The following PTH1R variants were observed in gnomAD, a reference collection of about 807,000 sequenced individuals.
The protein encoded by PTH1R is parathyroid hormone/parathyroid hormone-related peptide receptor.
PTH1R carries 32 observed loss-of-function variants against 70.7 expected under a neutral mutation model. That is an observed-to-expected ratio of 0.45 (90% CI 0.34 to 0.61). The LOEUF (loss-of-function observed/expected upper bound fraction) is 0.61. Among genes scored for constraint, PTH1R ranks in the 20% least tolerant of loss-of-function variants. PTH1R has a pLI of 0.01. For missense variants in PTH1R, 626 were observed against 792.5 expected (o/e 0.79, Z 2.52); for synonymous variants, 329 against 324.8 (o/e 1.01, Z -0.14).
chr3:46,893,752 A>G lies in PTH1R; in HGVS notation c.76-155A>G, dbSNP rs558301731. 2.6e-5 allele frequency among the ~76,000 whole-genome samples: 4 copies of G among 152,332 alleles called. No homozygotes were observed. In the East Asian group the frequency reaches 7.7e-4, roughly 29 times the overall value. ...TTCCCATCTGTAAGGTGTGAGCTCC[A>G]TAGAGCAGATTCCCCACATGCAGGG... On this transcript the variant is annotated intron_variant, in intron 3 of 15. Transcript: ENST00000449590. This position sits in a 1 kb window ranked among gnomAD's most constrained non-coding sequence, Gnocchi z 5.2.
In PTH1R at chr3:46,903,641, G is replaced by A; in HGVS notation, c.1767G>A (p.Trp589Ter). The change falls in exon 16 of 16, where the codon TGG becomes TGA. Residue 589 changes from tryptophan to a stop codon, truncating the protein, a stop_gained. Transcript: ENST00000449590. LOFTEE classifies it high-confidence loss of function. This position sits in a 1 kb window ranked among gnomAD's most constrained non-coding sequence, Gnocchi z 4.4. ...ERPPALLQEE[W>*]ETVM The stretch of plus-strand genomic sequence containing the variant: ...CACCTGCCCTGCTACAGGAAGAGTG[G>A]GAGACAGTCATGTGACCAGGCGCTG... 6.2e-7 allele frequency: 1 copy of A among 1,610,416 alleles called. No individual in the cohort carries two copies. The highest frequency in any genetic ancestry group is 8.5e-7 in the Non-Finnish European group (1 of 1,180,014).
chr3:46,897,832 AC>A, intron 5 of PTH1R, 22 bp from the exon 6 acceptor site: 1 of 1,605,216 alleles, frequency 6.2e-7, no homozygotes, highest in Non-Finnish European at 8.5e-7. Context: ...GGTATCCCCT[AC>A]CCTGTCTGTC....
Position 46,883,108 on chromosome 3 carries a change from G to A in PTH1R, c.-48-404G>A, listed in dbSNP as rs1184042088. On this transcript the variant is annotated intron_variant, in intron 2 of 15. Transcript: ENST00000449590. This position sits in a 1 kb window ranked among gnomAD's most constrained non-coding sequence, Gnocchi z 6.4. ...CCCCCGCCCCCTCCCCCCACTGGGC[G>A]TGGGGCGAAGCCACAGCTCCCATTT... Among the ~76,000 whole-genome samples the A allele has an allele frequency of 6.6e-6, 1 of 151,186 alleles. No individual in the cohort carries two copies. Among genetic ancestry groups the A allele is most frequent in the Admixed American group, 6.6e-5 (1 of 15,246 alleles).
intron 7 of PTH1R, 38 bp from the exon 8 acceptor site, chr3:46,898,340 C>G (rs1319984303): frequency 3.7e-6 from 6 of 1,602,992 alleles, no homozygotes; most frequent in Non-Finnish European, 5.1e-6. Context: ...CTCCCTGGGT[C>G]CCAGGGCTCT....
rs1371459394 is a variant in PTH1R at position 46,897,855 on chromosome 3, G to T, written c.314G>T (p.Gly105Val). 1 of 1,612,672 alleles carries T rather than the reference G, an allele frequency of 6.2e-7. No individual in the cohort carries two copies. Among genetic ancestry groups the T allele is most frequent in the Non-Finnish European group, 8.5e-7 (1 of 1,179,886 alleles). Residue 105 changes from glycine to valine, a missense_variant and splice_region_variant, in exon 6 of 16, where the codon GGG becomes GTG. This residue lies in a region of PTH1R where 8 missense variants were observed against 28.0 expected (regional missense o/e 0.29). Transcript: ENST00000449590. The part of the protein sequence containing the change: ...KEAPTGSRYR[G>V]RPCLPEWDHI... The stretch of plus-strand genomic sequence containing the variant: ...CTACCCTGTCTGTCTCTGGGCACAG[G>T]GCGCCCCTGTCTGCCGGAATGGGAC...
intron 3 of PTH1R, among the ~76,000 whole-genome samples, chr3:46,888,325 C>T (rs979364353): frequency 2.6e-5 from 4 of 152,226 alleles, no homozygotes; most frequent in African/African-American, 9.6e-5. Context: ...AACACATTCA[C>T]CTCAGCTCTT....
At position 46,902,239 on chromosome 3, in the gene PTH1R, G is replaced by T. The variant is rs996017873; in HGVS notation, c.1212-287G>T. On this transcript the variant is annotated intron_variant, in intron 13 of 15. Transcript: ENST00000449590. The surrounding 1 kb of genome is among the most constrained non-coding windows in gnomAD (Gnocchi z 5.4). ...GACTGTGGGATAGTGAGGTTCGACCGTGGAGGGGAGTGCTTGCCAGCTGAG... is the reference window on the plus strand; with the variant it reads ...GACTGTGGGATAGTGAGGTTCGACCTTGGAGGGGAGTGCTTGCCAGCTGAG... Among the ~76,000 whole-genome samples, 1 of 152,200 alleles carries T rather than the reference G, an allele frequency of 6.6e-6. No homozygotes were observed. Among genetic ancestry groups the T allele is most frequent in the Non-Finnish European group, 1.5e-5 (1 of 68,026 alleles).
At chr3:46,887,872 G>T (rs1469447042) in intron 3 of PTH1R, among the ~76,000 whole-genome samples, 5 of 152,198 alleles carry the variant, frequency 3.3e-5, no homozygotes, top group Admixed American at 6.5e-5. Flanking sequence ...ATTTGTGTGT[G>T]TGTCTATATG....
chr3:46,899,482 G>A, intron 10 of PTH1R, 26 bp downstream of exon 10: 1 of 1,603,794 alleles, frequency 6.2e-7, no homozygotes, highest in Non-Finnish European at 8.5e-7. Context: ...GGGTAGCGAG[G>A]TGCCGGCAGG....
Position 46,898,383 on chromosome 3 carries a change from G to A in PTH1R, c.549G>A (p.Val183=), listed in dbSNP as rs200610441. The A allele has an allele frequency of 5.8e-5, 94 of 1,613,710 alleles. 1 individual carries two copies. The highest frequency in any genetic ancestry group is 5.1e-6 in the Non-Finnish European group (6 of 1,179,938). ...FLTNETRERE[V]FDRLGMIYTV... is the part of the protein sequence containing the mutation. ...TCTCCCCCCGCCCCGCACAGGAGGT[G>A]TTTGACCGCCTGGGCATGATTTACA... Residue 183 remains valine, a synonymous_variant, in exon 8 of 16, where the codon GTG becomes GTA. Coordinates refer to ENST00000449590, the MANE Select transcript of PTH1R (RefSeq NM_000316.3).
chr3:46,894,116 G>A, intron 4 of PTH1R, 107 bp downstream of exon 4: 5 of 1,215,820 alleles, frequency 4.1e-6, no homozygotes, highest in African/African-American at 1.5e-5. Context: ...TGTGGGGGCG[G>A]ACTTAGGTAA....
intron 3 of PTH1R, among the ~76,000 whole-genome samples, chr3:46,888,063 T>C (rs2031153174): frequency 6.6e-6 from 1 of 152,256 alleles, no homozygotes; most frequent in Non-Finnish European, 1.5e-5. Context: ...TTTGTACTTA[T>C]ACAACACCAA....
chr3:46,900,584 T>A (rs1306998123), intron 10 of PTH1R, among the ~76,000 whole-genome samples: 2 of 151,604 alleles, frequency 1.3e-5, no homozygotes, highest in Non-Finnish European at 2.9e-5. Flanking sequence ...CCCCATCCAG[T>A]CTCATCCACG....
chr3:46,894,525 G>C (rs1460763564), intron 4 of PTH1R, among the ~76,000 whole-genome samples: 2 of 152,082 alleles, frequency 1.3e-5, no homozygotes, highest in African/African-American at 4.8e-5. Context: ...AGATCTGGGG[G>C]GTCAGATGGG....
At chr3:46,886,141 T>G (rs535348260) in intron 3 of PTH1R, among the ~76,000 whole-genome samples, 54 of 152,268 alleles carry the variant, frequency 3.5e-4, no homozygotes, top group Admixed American at 5.9e-4. Context: ...GGGGCACTCT[T>G]GTCCTTGAGG....
rs1251115038 is a variant in PTH1R at position 46,883,089 on chromosome 3, C to G, written c.-48-423C>G. Reference sequence around the variant, plus strand: ...GACCGCGACCCCGACCCCTCCCCCGCCCCCTCCCCCCACTGGGCGTGGGGC... The same window carrying G: ...GACCGCGACCCCGACCCCTCCCCCGGCCCCTCCCCCCACTGGGCGTGGGGC... On this transcript the variant is annotated intron_variant, in intron 2 of 15. Coordinates refer to ENST00000449590, the MANE Select transcript of PTH1R (RefSeq NM_000316.3). This position sits in a 1 kb window ranked among gnomAD's most constrained non-coding sequence, Gnocchi z 6.4. Among the ~76,000 whole-genome samples the G allele has an allele frequency of 6.6e-6, 1 of 151,630 alleles. No individual in the cohort carries two copies. The highest frequency in any genetic ancestry group is 2.4e-5 in the African/African-American group (1 of 41,326).
rs773260982 is a variant in PTH1R at position 46,899,409 on chromosome 3, T to C, written c.941T>C (p.Phe314Ser). Residue 314 changes from phenylalanine to serine, a missense_variant, in exon 10 of 16, where the codon TTC (phenylalanine) becomes TCC (serine). By Grantham distance (155) the Phe-to-Ser change is radical (BLOSUM62 -2). Coordinates refer to ENST00000449590, the MANE Select transcript of PTH1R (RefSeq NM_000316.3). ...CTGCACAGCCTCATCTTCATGGCCT[T>C]CTTCTCAGAGAAGAAGTACCTGTGG... ...LYLHSLIFMAFFSEKKYLWGF... is the reference protein window; with the variant it reads ...LYLHSLIFMASFSEKKYLWGF... 4.8e-5 allele frequency: 78 copies of C among 1,613,652 alleles called. No individual in the cohort carries two copies. The highest frequency in any genetic ancestry group is 6.3e-5 in the Non-Finnish European group (74 of 1,180,022).
Position 46,893,944 on chromosome 3 carries a change from T to A in PTH1R, c.113T>A (p.Ile38Asn). 1 of 1,614,052 alleles carries A rather than the reference T, an allele frequency of 6.2e-7. No homozygotes were observed. Among genetic ancestry groups the A allele is most frequent in the Non-Finnish European group, 8.5e-7 (1 of 1,180,014 alleles). The change falls in exon 4 of 16, where the codon ATC (isoleucine) becomes AAC (asparagine). Residue 38 changes from isoleucine (I) to asparagine (N), a missense_variant. Ile to Asn is a moderately radical substitution (Grantham distance 149). This residue lies in a region of PTH1R where 123 missense variants were observed against 125.7 expected (regional missense o/e 0.98). Coordinates refer to ENST00000449590, the MANE Select transcript of PTH1R (RefSeq NM_000316.3). This position sits in a 1 kb window ranked among gnomAD's most constrained non-coding sequence, Gnocchi z 5.2. ...ADDVMTKEEQ[I>N]FLLHRAQAQC... ...GACGTCATGACTAAAGAGGAACAGA[T>A]CTTCCTGCTGCACCGTGCTCAGGCC...
In PTH1R at chr3:46,901,788, A is replaced by G. The variant is rs746423910; in HGVS notation, c.1139A>G (p.Asn380Ser). 12 of 1,613,978 alleles carry G rather than the reference A, an allele frequency of 7.4e-6. No individual in the cohort carries two copies. Among genetic ancestry groups the G allele is most frequent in the South Asian group, 2.2e-5 (2 of 91,072 alleles). ...CAGCTCAACTTCATCCTCTTCATCA[A>G]TATCGTCCGGGTGCTCGCCACCAAG... ...SIVLNFILFI[N>S]IVRVLATKLR... The change falls in exon 13 of 16, where the codon AAT becomes AGT. Residue 380 changes from asparagine (N) to serine (S), a missense_variant. By Grantham distance (46) the Asn-to-Ser change is conservative. Around this residue, in one of 3 missense-constraint regions of PTH1R, gnomAD observed 495 missense variants for 638.7 expected, o/e 0.77. Coordinates refer to ENST00000449590, the MANE Select transcript of PTH1R (RefSeq NM_000316.3). This position sits in a 1 kb window ranked among gnomAD's most constrained non-coding sequence, Gnocchi z 7.3.
Sources: gnomAD v4.1 joint callset for allele counts (sites outside exome capture counted in the v4.1 genomes callset) on GRCh38, gnomAD v4.1.1 for gene constraint, gnomAD v4.1.1 regional missense constraint, Gnocchi (gnomAD v3.1) non-coding constraint, MANE v1.5 for transcripts, NCBI Gene and HGNC (gene_info 2026-07-23, HGNC 2026-07-21) for gene names.